Variants in SLC6A5 observed in about 807,000 individuals in gnomAD.
SLC6A5 encodes solute carrier family 6 member 5.
A neutral mutation model predicts 90.5 loss-of-function variants in SLC6A5; 58 were observed. The ratio of observed to expected loss-of-function variants is 0.64; its 90% CI spans 0.52 to 0.80. SLC6A5 has a LOEUF of 0.80. SLC6A5 is among the 30% of genes least tolerant of loss of function. The probability of loss-of-function intolerance (pLI) is 0.00; values close to 1 mark genes in which losing one functional copy is unlikely to be tolerated. For missense variants in SLC6A5, 1,015 were observed against 1,017.6 expected, an observed-to-expected ratio of 1.00 and a Z score of 0.03; for synonymous variants, 427 against 401.4, an observed-to-expected ratio of 1.06 and a Z score of -0.76.
chr11:20,601,355 T>A lies in SLC6A5; in HGVS notation c.230T>A (p.Val77Glu). 1 of 1,600,502 alleles carries A rather than the reference T, an allele frequency of 6.2e-7. No individual in the cohort carries two copies. The highest frequency in any genetic ancestry group is 8.5e-7 in the Non-Finnish European group (1 of 1,175,766). Residue 77 changes from valine to glutamate, a missense_variant, in exon 2 of 16, where the codon GTG becomes GAG. Physicochemically the swap from Val to Glu is moderately radical, Grantham distance 121 (BLOSUM62 -2). Around this residue, in one of 3 missense-constraint regions of SLC6A5, gnomAD observed 567 missense variants for 507.3 expected, o/e 1.12. Transcript: ENST00000525748. ...ARACEAERPG[V>E]GSCKLSSPRA... The stretch of plus-strand genomic sequence containing the variant: ...GCCTGCGAGGCTGAGCGGCCAGGAG[T>A]GGGGTCTTGCAAACTCAGTAGCCCG...
chr11:20,610,363 G>A (rs1013522866), intron 5 of SLC6A5, among the ~76,000 whole-genome samples: 2 of 152,306 alleles, frequency 1.3e-5, no homozygotes, highest in East Asian at 3.9e-4. Flanking sequence ...GGGGAGCCTG[G>A]GAACCCTGCT....
chr11:20,600,512 T>A (rs1208209663), intron 1 of SLC6A5, among the ~76,000 whole-genome samples: 1 of 152,234 alleles, frequency 6.6e-6, no homozygotes, highest in Non-Finnish European at 1.5e-5. Flanking sequence ...GTTACTACTC[T>A]GTGTCTTAAA....
At chr11:20,600,413 C>G (rs746414741) in intron 1 of SLC6A5, among the ~76,000 whole-genome samples, 2 of 128,508 alleles carry the variant, frequency 1.6e-5, no homozygotes, top group Non-Finnish European at 3.4e-5. Flanking sequence ...AAGAAGAAGA[C>G]CTAAACAAAA....
In SLC6A5 at chr11:20,607,527, A is replaced by G. The variant is rs757213363; in HGVS notation, c.860A>G (p.Tyr287Cys). 1 of 1,614,166 alleles carries G rather than the reference A, an allele frequency of 6.2e-7. No homozygotes were observed. Residue 287 changes from tyrosine (Y) to cysteine (C), a missense_variant, in exon 5 of 16, where the codon TAC becomes TGC. Tyr to Cys is a radical substitution (Grantham distance 194, BLOSUM62 -2). Coordinates refer to ENST00000525748, the MANE Select transcript of SLC6A5 (RefSeq NM_004211.5). ...LIISVLIAIY[Y>C]NVIICYTLFY... ...ATCTCTGTCCTAATAGCCATATACT[A>G]CAATGTGATTATTTGCTATACACTT...
chr11:20,627,938 C>A (rs1426839303), intron 8 of SLC6A5, 42 bp from the exon 9 acceptor site: 1 of 1,501,074 alleles, frequency 6.7e-7, no homozygotes, highest in Non-Finnish European at 9.3e-7. Flanking sequence ...TGGCGCCAGT[C>A]TCCTTCATGG....
At chr11:20,650,124 G>A (rs1853496379) in intron 14 of SLC6A5, among the ~76,000 whole-genome samples, 1 of 152,032 alleles carries the variant, frequency 6.6e-6, no homozygotes, top group Admixed American at 6.6e-5. Context: ...TCACTTTTGC[G>A]CAGTTATTTT....
chr11:20,599,608 C>T lies in SLC6A5; in HGVS notation c.-65C>T. The stretch of plus-strand genomic sequence containing the variant: ...TAGAAAGCGCCTCTCCTGCCTGAGC[C>T]AAACCCAGTCTTGTCAATAGCGGGT... On this transcript the variant is annotated 5_prime_UTR_variant, in exon 1 of 16. Transcript: ENST00000525748. 6.2e-7 allele frequency: 1 copy of T among 1,607,644 alleles called. No homozygotes were observed.
intron 13 of SLC6A5, among the ~76,000 whole-genome samples, chr11:20,641,805 T>C (rs1212995632): frequency 6.6e-6 from 1 of 152,078 alleles, no homozygotes; most frequent in Non-Finnish European, 1.5e-5. Context: ...GTCATGGAAC[T>C]TGCCAACTAG....
intron 7 of SLC6A5, among the ~76,000 whole-genome samples, 186 bp from the exon 8 acceptor site, chr11:20,626,520 GCT>G (rs1022892264): frequency 5.9e-5 from 9 of 152,082 alleles, no homozygotes; most frequent in Non-Finnish European, 1.2e-4. Flanking sequence ...TTTATTTCTA[GCT>G]CTCTCTGACT....
intron 1 of SLC6A5, among the ~76,000 whole-genome samples, 187 bp downstream of exon 1, chr11:20,599,862 T>A (rs982711947): frequency 1.5e-4 from 23 of 152,008 alleles, no homozygotes; most frequent in African/African-American, 4.3e-4. Context: ...CGCAAAGAGG[T>A]TTCCTAGGCT....
chr11:20,646,856 T>C lies in SLC6A5; in HGVS notation c.1992T>C (p.Asp664=), dbSNP rs1853425134. The C allele has an allele frequency of 6.2e-7, 1 of 1,613,172 alleles. No individual in the cohort carries two copies. Among genetic ancestry groups the C allele is most frequent in the Non-Finnish European group, 8.5e-7 (1 of 1,179,394 alleles). Reference sequence around the variant, plus strand: ...CAGGCTTGCAAAGATTCTGTGAAGATATAGAGATGATGATTGGATTCCAGC... The same window carrying C: ...CAGGCTTGCAAAGATTCTGTGAAGACATAGAGATGATGATTGGATTCCAGC... The part of the protein sequence containing the change: ...YVYGLQRFCE[D]IEMMIGFQPN... The change falls in exon 14 of 16, where the codon GAT becomes GAC. Residue 664 remains aspartate, a synonymous_variant. Transcript: ENST00000525748.
intron 9 of SLC6A5, among the ~76,000 whole-genome samples, chr11:20,628,612 G>A (rs1293227015): frequency 3.9e-5 from 6 of 152,170 alleles, no homozygotes; most frequent in African/African-American, 1.4e-4. Flanking sequence ...TATGAATTTG[G>A]TAGTGATAGG....
chr11:20,606,875 G>T, intron 3 of SLC6A5, 132 bp from the exon 4 acceptor site: 1 of 1,089,580 alleles, frequency 9.2e-7, no homozygotes, highest in Non-Finnish European at 1.4e-6. Context: ...ACATCAAAGG[G>T]CTTCTTCAGG....
chr11:20,608,889 G>A (rs1852633265), intron 5 of SLC6A5, among the ~76,000 whole-genome samples: 1 of 142,888 alleles, frequency 7.0e-6, no homozygotes, highest in Admixed American at 7.1e-5. Context: ...CCATGAACAT[G>A]TGTTTATAGT....
intron 3 of SLC6A5, among the ~76,000 whole-genome samples, chr11:20,605,866 G>A (rs1030264806): frequency 2.6e-5 from 4 of 152,240 alleles, no homozygotes; most frequent in South Asian, 2.1e-4. Flanking sequence ...CCTGTCTTGA[G>A]AGGATAAAGC....
At chr11:20,604,594 G>A (rs552974996) in intron 3 of SLC6A5, among the ~76,000 whole-genome samples, 170 bp downstream of exon 3, 1 of 152,286 alleles carries the variant, frequency 6.6e-6, no homozygotes, top group African/African-American at 2.4e-5. Flanking sequence ...GGGCGGGGGC[G>A]ACCATAATCG....
intron 14 of SLC6A5, among the ~76,000 whole-genome samples, chr11:20,650,619 G>A (rs1018739097): frequency 6.6e-6 from 1 of 150,718 alleles, no homozygotes; most frequent in Non-Finnish European, 1.5e-5. Flanking sequence ...GCTGGTCTCC[G>A]GGGTCACGGC....
intron 3 of SLC6A5, among the ~76,000 whole-genome samples, chr11:20,606,162 A>T (rs903901821): frequency 6.6e-6 from 1 of 152,196 alleles, no homozygotes; most frequent in Non-Finnish European, 1.5e-5. Flanking sequence ...AACCTCAAAG[A>T]ATGCTGAAGG....
In SLC6A5 at chr11:20,637,225, C is replaced by T; in HGVS notation, c.1791C>T (p.Tyr597=). Residue 597 remains tyrosine (Y), a synonymous_variant, in exon 12 of 16, where the codon TAC becomes TAT. Transcript: ENST00000525748. ...CCATCTCAGACGAGTTTCCCAAGTA[C>T]CTACGCACACACAAGCCAGTGTTTA... ...VTSISDEFPK[Y]LRTHKPVFTL... 2.5e-6 allele frequency: 4 copies of T among 1,613,842 alleles called. No individual in the cohort carries two copies. Among genetic ancestry groups the T allele is most frequent in the Non-Finnish European group, 3.4e-6 (4 of 1,179,852 alleles).
Sources: gnomAD v4.1 joint callset for allele counts (sites outside exome capture counted in the v4.1 genomes callset) on GRCh38, gnomAD v4.1.1 for gene constraint, gnomAD v4.1.1 regional missense constraint, MANE v1.5 for transcripts, NCBI Gene and HGNC (gene_info 2026-07-23, HGNC 2026-07-21) for gene names.